DAB2IP: variants seen among roughly 807,000 people sequenced by gnomAD.
The protein encoded by DAB2IP is DAB2 interacting protein.
A neutral mutation model predicts 107.2 loss-of-function variants in DAB2IP; 28 were observed. The ratio of observed to expected loss-of-function variants is 0.26; its 90% CI spans 0.19 to 0.36. DAB2IP has a LOEUF of 0.36. DAB2IP is among the 10% of genes least tolerant of loss of function. DAB2IP has a pLI of 1.00. For missense variants in DAB2IP, 1,400 were observed against 1,644.7 expected, an observed-to-expected ratio of 0.85 and a Z score of 2.57; for synonymous variants, 755 against 706.4, an observed-to-expected ratio of 1.07 and a Z score of -1.09.
In DAB2IP at chr9:121,698,353, A is replaced by G. The variant is rs995008179; in HGVS notation, c.229-972A>G. ...CCCCACATCTATCCCGTCACCTGTA[A>G]AGGGAAGATTGGTTTGACCTGTGTG... is the stretch of plus-strand genomic sequence containing the variant. On this transcript the variant is annotated intron_variant, in intron 2 of 15. Coordinates refer to ENST00000408936, the Ensembl canonical transcript of DAB2IP. This position sits in a 1 kb window ranked among gnomAD's most constrained non-coding sequence, Gnocchi z 4.1. Among the ~76,000 whole-genome samples, 7 of 152,040 alleles carry G rather than the reference A, an allele frequency of 4.6e-5. No individual in the cohort carries two copies. Among genetic ancestry groups the G allele is most frequent in the Admixed American group, 3.9e-4 (6 of 15,270 alleles).
intron 3 of DAB2IP, 83 bp from the exon 4 acceptor site, chr9:121,756,930 C>G (rs1043811651): frequency 3.2e-5 from 50 of 1,586,332 alleles, no homozygotes; most frequent in Non-Finnish European, 4.2e-5. Context: ...GGAAGGGGCA[C>G]GGCCAGGGCA....
At chr9:121,759,084 G>C in intron 5 of DAB2IP, 88 bp downstream of exon 5, 1 of 1,367,224 alleles carries the variant, frequency 7.3e-7, no homozygotes, top group Non-Finnish European at 1.0e-6. Flanking sequence ...CTGTGGTGTG[G>C]GCTGGGATTG....
intron 3 of DAB2IP, among the ~76,000 whole-genome samples, chr9:121,707,470 C>T (rs979498773): frequency 2.0e-5 from 3 of 152,202 alleles, no homozygotes; most frequent in African/African-American, 7.2e-5. Flanking sequence ...CACGGGGGAC[C>T]AGAGCAGCCC....
At chr9:121,577,552 G>A (rs1830094055) in intron 1 of DAB2IP, among the ~76,000 whole-genome samples, 1 of 152,208 alleles carries the variant, frequency 6.6e-6, no homozygotes, top group South Asian at 2.1e-4. Flanking sequence ...CTGCTCTGGG[G>A]TTCCACAGAC....
intron 1 of DAB2IP, among the ~76,000 whole-genome samples, chr9:121,593,110 G>A (rs1038398291): frequency 6.6e-6 from 1 of 152,082 alleles, no homozygotes; most frequent in African/African-American, 2.4e-5. Flanking sequence ...ATTGAGACAG[G>A]GTCTTGTCTG....
chr9:121,738,293 TCC>T (rs1832075978), intron 3 of DAB2IP, among the ~76,000 whole-genome samples: 1 of 152,132 alleles, frequency 6.6e-6, no homozygotes, highest in Admixed American at 6.5e-5. Context: ...CCTCGCGCTC[TCC>T]CAGCCCTGCC....
intron 3 of DAB2IP, among the ~76,000 whole-genome samples, chr9:121,755,681 G>T (rs1256616566): frequency 2.0e-5 from 3 of 152,318 alleles, no homozygotes; most frequent in African/African-American, 7.2e-5. Context: ...GCTACTGTCA[G>T]CCTGAGTCCC....
intron 3 of DAB2IP, among the ~76,000 whole-genome samples, chr9:121,753,964 G>A (rs1381719775): frequency 6.6e-6 from 1 of 152,266 alleles, no homozygotes; most frequent in African/African-American, 2.4e-5. Context: ...AAAGGAAGTG[G>A]CCCAACAATG....
exon 16 of DAB2IP, chr9:121,783,003 G>A: frequency 9.8e-7 from 1 of 1,020,188 alleles, no homozygotes; most frequent in South Asian, 4.1e-5. Flanking sequence ...TCAGTTGGCA[G>A]GCAGGAAGAT....
intron 6 of DAB2IP, among the ~76,000 whole-genome samples, chr9:121,761,886 C>G (rs1407120851): frequency 6.6e-6 from 1 of 152,114 alleles, no homozygotes; most frequent in African/African-American, 2.4e-5. Flanking sequence ...GCAGTTGTGT[C>G]TGATGTTTCA....
chr9:121,673,763 G>A (rs1451332656), intron 1 of DAB2IP, among the ~76,000 whole-genome samples: 1 of 152,146 alleles, frequency 6.6e-6, no homozygotes, highest in African/African-American at 2.4e-5. Context: ...TGTGTGGGGT[G>A]TCAGGTCAGG....
At position 121,776,300 on chromosome 9, in the gene DAB2IP, C is replaced by T. The variant is rs748082532; in HGVS notation, c.3223C>T (p.Leu1075=). 2.6e-5 allele frequency: 41 copies of T among 1,574,316 alleles called. No homozygotes were observed. The highest frequency in any genetic ancestry group is 3.3e-5 in the Non-Finnish European group (38 of 1,159,862). The change falls in exon 14 of 16, where the codon CTG becomes TTG. Residue 1075 remains leucine (L), a synonymous_variant. Transcript: ENST00000408936. The surrounding 1 kb of genome is among the most constrained non-coding windows in gnomAD (Gnocchi z 5.4). ...GGAGGAGACGACGCAGAAGCTGGTG[C>T]TGGAGTACCAGGCACGGCTGGAGGA...
chr9:121,614,341 T>TC (rs199935798), intron 1 of DAB2IP, among the ~76,000 whole-genome samples: 17,232 of 136,118 alleles, frequency 0.13, 1,217 homozygotes, highest in East Asian at 0.3. Context: ...TCTTTTCTTT[T>TC]TTTTTTTTTT....
intron 1 of DAB2IP, among the ~76,000 whole-genome samples, chr9:121,638,361 C>CTTGGATTTTGGTATCTGA: frequency 6.6e-6 from 1 of 152,120 alleles, no homozygotes; most frequent in Admixed American, 6.5e-5. Context: ...CTTGAGCGTG[C>CTTGGATTTTGGTATCTGA]TTGGATTTTG....
At chr9:121,642,197 C>A (rs1198321374) in intron 1 of DAB2IP, among the ~76,000 whole-genome samples, 1 of 151,390 alleles carries the variant, frequency 6.6e-6, no homozygotes, top group East Asian at 1.9e-4. Flanking sequence ...CCTCTCACCT[C>A]ATCCTCCCAA....
At chr9:121,658,357 A>T (rs1833054377) in intron 1 of DAB2IP, among the ~76,000 whole-genome samples, 1 of 152,130 alleles carries the variant, frequency 6.6e-6, no homozygotes, top group African/African-American at 2.4e-5. Flanking sequence ...TTAAGTAGGT[A>T]TTCGGGGAGT....
At chr9:121,660,628 T>C (rs1473531319) in intron 1 of DAB2IP, among the ~76,000 whole-genome samples, 2 of 152,070 alleles carry the variant, frequency 1.3e-5, no homozygotes, top group African/African-American at 4.8e-5. Flanking sequence ...TGCCACGATC[T>C]CTCCCTGGCC....
chr9:121,687,931 T>C (rs1331285374), intron 2 of DAB2IP, among the ~76,000 whole-genome samples: 1 of 152,160 alleles, frequency 6.6e-6, no homozygotes, highest in Non-Finnish European at 1.5e-5. Flanking sequence ...GGGAGGTGCA[T>C]TGTCCTGGGC....
rs1190720777 is a variant in DAB2IP, at chr9:121,714,468, T to G, written c.362+15010T>G. Among the ~76,000 whole-genome samples the G allele has an allele frequency of 2.6e-5, 4 of 152,226 alleles. No individual in the cohort carries two copies. In the East Asian group the frequency reaches 7.7e-4, roughly 29 times the overall value. ...AGCAGCAGGGAGACAGGCAGGCAGC[T>G]ATTGGCGCTGTGAGCCTCCCTTTTA... On this transcript the variant is annotated intron_variant, in intron 3 of 15. Coordinates refer to ENST00000408936, the Ensembl canonical transcript of DAB2IP.
Sources: gnomAD v4.1 joint callset for allele counts (sites outside exome capture counted in the v4.1 genomes callset) on GRCh38, gnomAD v4.1.1 for gene constraint, Gnocchi (gnomAD v3.1) non-coding constraint, MANE v1.5 for transcripts, NCBI Gene and HGNC (gene_info 2026-07-23, HGNC 2026-07-21) for gene names.